The following ITPRID2 variants were observed in gnomAD, a reference collection of about 807,000 sequenced individuals.
ITPRID2 encodes protein ITPRID2.
ITPRID2 carries 60 observed loss-of-function variants against 124.3 expected under a neutral mutation model. The ratio of observed to expected loss-of-function variants is 0.48; its 90% CI spans 0.39 to 0.60. The LOEUF (loss-of-function observed/expected upper bound fraction) is 0.60. Among genes scored for constraint, ITPRID2 ranks in the 20% least tolerant of loss-of-function variants. ITPRID2 has a pLI of 0.00. For synonymous variants in ITPRID2, 521 were observed against 542.9 expected (o/e 0.96, Z 0.56); for missense variants, 1,553 against 1,512.2 (o/e 1.03, Z -0.45).
In ITPRID2 at chr2:181,915,417, A is replaced by G. The variant is rs757033883; in HGVS notation, c.1777A>G (p.Ser593Gly). Residue 593 changes from serine (S) to glycine (G), a missense_variant, in exon 11 of 18, where the codon AGC becomes GGC. Physicochemically the swap from Ser to Gly is moderately conservative, Grantham distance 56. Transcript: ENST00000431877. The stretch of plus-strand genomic sequence containing the variant: ...AGTTGCAGACAAAAGAAAATCAGGT[A>G]GCCAGGATTTCCCTCAGTGCAACAC... ...AAVADKRKSG[S>G]QDFPQCNTIE... 8 of 1,614,054 alleles carry G rather than the reference A, an allele frequency of 5.0e-6. No individual in the cohort carries two copies. In the African/African-American group the frequency reaches 1.1e-4, roughly 22 times the overall value.
chr2:181,914,272 C>G (rs1693854979), intron 10 of ITPRID2, among the ~76,000 whole-genome samples: 1 of 151,626 alleles, frequency 6.6e-6, no homozygotes, highest in South Asian at 2.1e-4. Flanking sequence ...ATTGTTTTGC[C>G]TATTTAATAA....
intron 16 of ITPRID2, among the ~76,000 whole-genome samples, chr2:181,923,075 C>T (rs1694601934): frequency 6.6e-6 from 1 of 152,066 alleles, no homozygotes; most frequent in South Asian, 2.1e-4. Flanking sequence ...GTGATAGCAG[C>T]ATAAGAACTT....
At position 181,892,670 on chromosome 2, in the gene ITPRID2, C is replaced by A. The variant is rs772987167; in HGVS notation, c.257+10C>A. 1.9e-6 allele frequency: 3 copies of A among 1,613,998 alleles called. No homozygotes were observed. The highest frequency in any genetic ancestry group is 2.2e-5 in the East Asian group (1 of 44,850). ...GGCTCAAGGACTGCCGGTGAGTGCT[C>A]CCTGGTCCGCCCGCGTCCCGGGGGA... is the stretch of plus-strand genomic sequence containing the variant. On this transcript the variant is annotated intron_variant, in intron 2 of 17. Coordinates refer to ENST00000431877, the MANE Select transcript of ITPRID2 (RefSeq NM_001130445.3). The surrounding 1 kb of genome is among the most constrained non-coding windows in gnomAD (Gnocchi z 5.2).
Position 181,929,595 on chromosome 2 carries a change from A to G in ITPRID2, c.*48A>G, listed in dbSNP as rs1695135066. ...GATCCTATTAGCTGTGTAATACTGG[A>G]ATTATCAATGATATGCACTGGTGGA... is the stretch of plus-strand genomic sequence containing the variant. On this transcript the variant is annotated 3_prime_UTR_variant, in exon 18 of 18. Transcript: ENST00000431877. 6.2e-7 allele frequency: 1 copy of G among 1,613,084 alleles called. No homozygotes were observed. The highest frequency in any genetic ancestry group is 1.1e-5 in the South Asian group (1 of 91,026).
chr2:181,916,873 C>G, intron 11 of ITPRID2: 2 of 1,000,594 alleles, frequency 2.0e-6, no homozygotes, highest in Non-Finnish European at 2.4e-6. Flanking sequence ...ACCACGTTCT[C>G]CTGGTTCTGC....
intron 6 of ITPRID2, 108 bp downstream of exon 6, chr2:181,899,220 C>G: frequency 1.3e-6 from 1 of 788,252 alleles, no homozygotes; most frequent in Non-Finnish European, 2.0e-6. Flanking sequence ...TCAGAAAGAA[C>G]ACAAAAAGAG....
In ITPRID2 at chr2:181,915,374, A is replaced by C; in HGVS notation, c.1734A>C (p.Gly578=). 2 of 1,614,126 alleles carry C rather than the reference A, an allele frequency of 1.2e-6. No homozygotes were observed. Among genetic ancestry groups the C allele is most frequent in the Non-Finnish European group, 1.7e-6 (2 of 1,180,022 alleles). ...AGTCTCTTGTCCCTCTTCAGAAGGG[A>C]CTAGAGAAGGCAGCAGCAGTTGCAG... is the stretch of plus-strand genomic sequence containing the variant. ...EEESLVPLQK[G]LEKAAAVADK... Residue 578 remains glycine, a synonymous_variant, in exon 11 of 18, where the codon GGA becomes GGC. Transcript: ENST00000431877.
At chr2:181,916,811 A>G (rs1337806565) in intron 11 of ITPRID2, 11 of 1,008,884 alleles carry the variant, frequency 1.1e-5, no homozygotes, top group Non-Finnish European at 1.3e-5. Context: ...CTATTTGAAC[A>G]TGTTGACTAC....
chr2:181,898,876 G>A lies in ITPRID2; in HGVS notation c.365-4G>A. The A allele has an allele frequency of 6.2e-7, 1 of 1,607,740 alleles. No homozygotes were observed. The highest frequency in any genetic ancestry group is 8.5e-7 in the Non-Finnish European group (1 of 1,174,560). Reference sequence around the variant, plus strand: ...TGCTCTACGTTTATTGTTTTTACCTGTAGCCAACCACCTCCATGAAAGTGA... The same window carrying A: ...TGCTCTACGTTTATTGTTTTTACCTATAGCCAACCACCTCCATGAAAGTGA... On this transcript the variant is annotated splice_polypyrimidine_tract_variant and splice_region_variant and intron_variant, in intron 4 of 17. Transcript: ENST00000431877.
In ITPRID2 at chr2:181,900,833, TA is replaced by T. The variant is rs1293433891; in HGVS notation, c.642del (p.Ile214MetfsTer7). On this transcript the variant is annotated frameshift_variant, in exon 7 of 18. Transcript: ENST00000431877. LOFTEE classifies it high-confidence loss of function. ...FFNSSSFAKG[I>X]DIKVFLSAQM... ...AATTCATCATCCTTTGCCAAAGGGA[TA>T]GATATTAAAGTATTTTTGAGTGCTC... 1 of 1,613,308 alleles carries T rather than the reference TA, an allele frequency of 6.2e-7. No homozygotes were observed. The highest frequency in any genetic ancestry group is 1.1e-5 in the South Asian group (1 of 90,942).
rs201372529 is a variant in ITPRID2, at chr2:181,902,257, C to T, written c.1204C>T (p.His402Tyr). 3.1e-6 allele frequency: 5 copies of T among 1,613,182 alleles called. No individual in the cohort carries two copies. The highest frequency in any genetic ancestry group is 3.4e-6 in the Non-Finnish European group (4 of 1,179,524). Residue 402 changes from histidine (H) to tyrosine (Y), a missense_variant, in exon 8 of 18, where the codon CAT (histidine) becomes TAT (tyrosine). His to Tyr is a moderately conservative substitution (Grantham distance 83, BLOSUM62 2). Coordinates refer to ENST00000431877, the MANE Select transcript of ITPRID2 (RefSeq NM_001130445.3). The surrounding 1 kb of genome is among the most constrained non-coding windows in gnomAD (Gnocchi z 4.4). The part of the protein sequence containing the change: ...ENEQSKETQS[H>Y]ESKLGEESGI... The stretch of plus-strand genomic sequence containing the variant: ...TGAACAAAGTAAAGAAACTCAAAGT[C>T]ATGAGAGTAAACTGGGTGAGGAATC...
intron 15 of ITPRID2, among the ~76,000 whole-genome samples, chr2:181,921,673 TC>T (rs1389138150): frequency 1.3e-5 from 2 of 152,342 alleles, no homozygotes; most frequent in African/African-American, 4.8e-5. Context: ...TAGTTACTCT[TC>T]CTTACAAGTG....
At chr2:181,926,187 G>A (rs1012934897) in intron 16 of ITPRID2, among the ~76,000 whole-genome samples, 3 of 151,740 alleles carry the variant, frequency 2.0e-5, no homozygotes, top group East Asian at 3.9e-4. Flanking sequence ...TTACTTGAAC[G>A]TGGGAGGCAG....
chr2:181,900,960 AG>A, intron 7 of ITPRID2, 56 bp downstream of exon 7: 2 of 1,348,788 alleles, frequency 1.5e-6, no homozygotes, highest in Non-Finnish European at 2.0e-6. Flanking sequence ...ATCTACAGCA[AG>A]ATGGTCTTAT....
Position 181,901,741 on chromosome 2 carries a change from T to G in ITPRID2, c.713-25T>G, listed in dbSNP as rs377411151. 2.7e-6 allele frequency: 4 copies of G among 1,482,826 alleles called. No individual in the cohort carries two copies. In the African/African-American group the frequency reaches 4.2e-5, roughly 16 times the overall value. 91.9% of individuals were successfully genotyped at this position (1,482,826 alleles called of 1,614,324 possible). On this transcript the variant is annotated intron_variant, in intron 7 of 17. Transcript: ENST00000431877. ...ATGTATATATATAAATATAAACATA[T>G]CATTAATATTGTTTCTTTTGGTAGG... is the stretch of plus-strand genomic sequence containing the variant.
At position 181,907,977 on chromosome 2, in the gene ITPRID2, TGAA is replaced by T. The variant is rs573379976; in HGVS notation, c.1414-1918_1414-1916del. 9.2e-5 allele frequency among the ~76,000 whole-genome samples: 14 copies of T among 152,330 alleles called. No individual in the cohort carries two copies. In the South Asian group the frequency reaches 2.9e-3, roughly 32 times the overall value. ...TTGTTTTTGCCATTGAGTAGCATCT[TGAA>T]GAATAGAATGCTGATGATATGTGTT... On this transcript the variant is annotated intron_variant, in intron 8 of 17. Transcript: ENST00000431877. The surrounding 1 kb of genome is among the most constrained non-coding windows in gnomAD (Gnocchi z 5.1).
rs901930405 is a variant in ITPRID2, at chr2:181,892,601, C to T, written c.212-14C>T. 1.9e-6 allele frequency: 3 copies of T among 1,614,028 alleles called. No homozygotes were observed. Among genetic ancestry groups the T allele is most frequent in the Non-Finnish European group, 1.7e-6 (2 of 1,180,020 alleles). On this transcript the variant is annotated splice_polypyrimidine_tract_variant and intron_variant, in intron 1 of 17. Transcript: ENST00000431877. This position sits in a 1 kb window ranked among gnomAD's most constrained non-coding sequence, Gnocchi z 5.2. ...CCTGGGTGGTAACGTGCTGTCCCCT[C>T]TCTCTACCCCCAGGAAACGTGCCCA...
chr2:181,904,328 GA>G (rs759742477), intron 8 of ITPRID2, among the ~76,000 whole-genome samples: 2 of 151,860 alleles, frequency 1.3e-5, no homozygotes, highest in Non-Finnish European at 2.9e-5. Flanking sequence ...AATAATGGGA[GA>G]TTTTTTTTTT....
In ITPRID2 at chr2:181,907,913, A is replaced by G. The variant is rs973654219; in HGVS notation, c.1414-1986A>G. Reference sequence around the variant, plus strand: ...GCTTTTTGAAGTGCTCCTTTCTTGCACTTAATTATGGAGTTTGTAGTAAAA... The same window carrying G: ...GCTTTTTGAAGTGCTCCTTTCTTGCGCTTAATTATGGAGTTTGTAGTAAAA... On this transcript the variant is annotated intron_variant, in intron 8 of 17. Coordinates refer to ENST00000431877, the MANE Select transcript of ITPRID2 (RefSeq NM_001130445.3). This position sits in a 1 kb window ranked among gnomAD's most constrained non-coding sequence, Gnocchi z 5.1. Among the ~76,000 whole-genome samples, 3 of 152,200 alleles carry G rather than the reference A, an allele frequency of 2.0e-5. No homozygotes were observed. Among genetic ancestry groups the G allele is most frequent in the Admixed American group, 1.3e-4 (2 of 15,288 alleles).
Sources: allele counts gnomAD v4.1 joint callset (sites outside exome capture counted in the v4.1 genomes callset), GRCh38; gene constraint gnomAD v4.1.1; non-coding constraint Gnocchi (gnomAD v3.1); transcripts MANE v1.5; gene names NCBI Gene and HGNC (gene_info 2026-07-23, HGNC 2026-07-21).